Variants in SEC24C observed in about 807,000 individuals in gnomAD.
SEC24C encodes the protein protein transport protein Sec24C.
A neutral mutation model predicts 117.0 loss-of-function variants in SEC24C; 22 were observed. The ratio of observed to expected loss-of-function variants is 0.19; its 90% CI spans 0.13 to 0.27. The LOEUF (loss-of-function observed/expected upper bound fraction) is 0.27, where lower values mean the gene tolerates loss of function less well. Ranked by LOEUF, SEC24C falls within the 10% of genes least tolerant of loss-of-function variation. The pLI, the probability that SEC24C is intolerant of heterozygous loss-of-function variation, is 1.00. For synonymous variants in SEC24C, 506 were observed against 529.4 expected, an observed-to-expected ratio of 0.96 and a Z score of 0.61; for missense variants, 1,155 against 1,375.1, an observed-to-expected ratio of 0.84 and a Z score of 2.53.
At position 73,766,800 on chromosome 10, in the gene SEC24C, G is replaced by A. The variant is rs2082890933; in HGVS notation, c.1840G>A (p.Glu614Lys). The A allele has an allele frequency of 6.2e-7, 1 of 1,614,198 alleles. No homozygotes were observed. The highest frequency in any genetic ancestry group is 1.7e-5 in the Admixed American group (1 of 60,024). Residue 614 changes from glutamate to lysine, a missense_variant, in exon 13 of 23, where the codon GAA becomes AAA. Physicochemically the swap from Glu to Lys is moderately conservative, Grantham distance 56 (BLOSUM62 1). This residue lies in a region of SEC24C where 759 missense variants were observed against 992.3 expected (regional missense o/e 0.76). Coordinates refer to ENST00000345254, the MANE Select transcript of SEC24C (RefSeq NM_198597.3). The part of the protein sequence containing the change: ...QIPEMFADTR[E>K]TETVFVPVIQ... Reference sequence around the variant, plus strand: ...TCCAGAAATGTTTGCAGACACAAGGGAAACAGAGACAGTATTTGTACCAGT... The same window carrying A: ...TCCAGAAATGTTTGCAGACACAAGGAAAACAGAGACAGTATTTGTACCAGT...
chr10:73,760,014 T>C lies in SEC24C; in HGVS notation c.482-4T>C. ...TTTGACTCTACCTTTATTCTACTTC[T>C]CAGGCCCACCAACATCGCTGGCTTC... On this transcript the variant is annotated splice_region_variant and splice_polypyrimidine_tract_variant and intron_variant, in intron 4 of 22. Coordinates refer to ENST00000345254, the MANE Select transcript of SEC24C (RefSeq NM_198597.3). The C allele has an allele frequency of 3.8e-6, 6 of 1,569,288 alleles. No individual in the cohort carries two copies. Among genetic ancestry groups the C allele is most frequent in the Non-Finnish European group, 5.2e-6 (6 of 1,154,364 alleles).
intron 3 of SEC24C, among the ~76,000 whole-genome samples, chr10:73,753,794 A>G (rs2082674794): frequency 6.6e-6 from 1 of 152,196 alleles, no homozygotes; most frequent in African/African-American, 2.4e-5. Flanking sequence ...CTTAGTATTT[A>G]TCTGTTGAAG....
In SEC24C at chr10:73,745,066, G is replaced by T. The variant is rs568215792; in HGVS notation, c.-29+629G>T. Among the ~76,000 whole-genome samples, 879 of 152,290 alleles carry T rather than the reference G, an allele frequency of 5.8e-3. 5 individuals are homozygous for T. The highest frequency in any genetic ancestry group is 8.6e-3 in the Non-Finnish European group (582 of 68,034). On this transcript the variant is annotated intron_variant, in intron 1 of 22. Transcript: ENST00000345254. ...TTTGAGTTTAAAGAGTTTTAGACCAGGATCAGCTCCTTTTCTATAGTCAAG... is the reference window on the plus strand; with the variant it reads ...TTTGAGTTTAAAGAGTTTTAGACCATGATCAGCTCCTTTTCTATAGTCAAG...
At chr10:73,765,219 G>T (rs2082863083) in intron 8 of SEC24C, among the ~76,000 whole-genome samples, 1 of 152,234 alleles carries the variant, frequency 6.6e-6, no homozygotes. Flanking sequence ...CTTTCAGTGA[G>T]AAATGCAGCT....
intron 3 of SEC24C, among the ~76,000 whole-genome samples, chr10:73,755,242 G>A (rs1239138305): frequency 6.6e-6 from 1 of 152,172 alleles, no homozygotes. Context: ...ATTTCAAGAA[G>A]GTGAGAGAGT....
intron 2 of SEC24C, among the ~76,000 whole-genome samples, chr10:73,749,529 TTTTC>T (rs2082612775): frequency 6.6e-6 from 1 of 151,370 alleles, no homozygotes; most frequent in Non-Finnish European, 1.5e-5. Context: ...TAACCTTACC[TTTTC>T]TTTTTCTTTT....
chr10:73,753,008 T>G (rs2082663341), intron 3 of SEC24C, among the ~76,000 whole-genome samples: 1 of 152,122 alleles, frequency 6.6e-6, no homozygotes, highest in South Asian at 2.1e-4. Flanking sequence ...CCCTCATAAA[T>G]AACAACTATC....
intron 1 of SEC24C, among the ~76,000 whole-genome samples, chr10:73,746,397 T>G (rs1191579789): frequency 2.0e-5 from 3 of 152,240 alleles, no homozygotes; most frequent in Admixed American, 1.3e-4. Flanking sequence ...CGATGTTTGC[T>G]GAATGAATGG....
intron 22 of SEC24C, 66 bp downstream of exon 22, chr10:73,770,864 T>G: frequency 6.2e-7 from 1 of 1,612,308 alleles, no homozygotes; most frequent in African/African-American, 1.3e-5. Context: ...GGGGGTTGGG[T>G]GGGGAATGAG....
In SEC24C at chr10:73,759,667, C is replaced by T; in HGVS notation, c.354C>T (p.Gly118=). 6.3e-7 allele frequency: 1 copy of T among 1,575,858 alleles called. No individual in the cohort carries two copies. The highest frequency in any genetic ancestry group is 1.2e-5 in the South Asian group (1 of 85,642). Residue 118 remains glycine (G), a synonymous_variant, in exon 4 of 23, where the codon GGC becomes GGT. Coordinates refer to ENST00000345254, the MANE Select transcript of SEC24C (RefSeq NM_198597.3). ...TTGGGTCCCCATTGGCCCCTGTGGG[C>T]AACCAGCCACCTGTGCTTCAGCCCT... ...QPFGSPLAPV[G]NQPPVLQPYG...
At chr10:73,763,774 T>C (rs1002699259) in intron 7 of SEC24C, 82 bp from the exon 8 acceptor site, 1 of 1,485,208 alleles carries the variant, frequency 6.7e-7, no homozygotes, top group Non-Finnish European at 9.2e-7. Context: ...CTTTGTGGAG[T>C]TGATGGTGTG....
At chr10:73,761,261 GA>G (rs1275067466) in intron 6 of SEC24C, among the ~76,000 whole-genome samples, 2 of 152,192 alleles carry the variant, frequency 1.3e-5, no homozygotes, top group African/African-American at 4.8e-5. Flanking sequence ...TTAAGAGAAG[GA>G]AAGCCTCACT....
Position 73,766,875 on chromosome 10 carries a change from A to C in SEC24C, c.1893+22A>C, listed in dbSNP as rs766088533. 1.1e-5 allele frequency: 18 copies of C among 1,593,690 alleles called. No homozygotes were observed. In the South Asian group the frequency reaches 1.2e-4, roughly 11 times the overall value. ...GAAGGTAAGGCTGGAGTATCGGGCA[A>C]CCTCCTCTAACTCCATTTTCCTCTG... On this transcript the variant is annotated intron_variant, in intron 13 of 22. Coordinates refer to ENST00000345254, the MANE Select transcript of SEC24C (RefSeq NM_198597.3).
chr10:73,759,996 C>CT, intron 4 of SEC24C, 22 bp from the exon 5 acceptor site: 1 of 1,542,236 alleles, frequency 6.5e-7, no homozygotes, highest in Non-Finnish European at 8.7e-7. Context: ...GCTTTTGACT[C>CT]TACCTTTATT....
At chr10:73,770,526 A>G in intron 21 of SEC24C, 55 bp downstream of exon 21, 1 of 1,591,636 alleles carries the variant, frequency 6.3e-7, no homozygotes, top group Admixed American at 1.7e-5. Flanking sequence ...TTGTGAAACA[A>G]TTGGGAGCCA....
chr10:73,758,012 A>C (rs2132544392), intron 3 of SEC24C, among the ~76,000 whole-genome samples: 1 of 151,132 alleles, frequency 6.6e-6, no homozygotes, highest in East Asian at 1.9e-4. Flanking sequence ...GAGGCGGGCG[A>C]ATCACGAGGT....
At chr10:73,745,635 G>A (rs1362351914) in intron 1 of SEC24C, among the ~76,000 whole-genome samples, 2 of 151,546 alleles carry the variant, frequency 1.3e-5, no homozygotes, top group Admixed American at 6.6e-5. Flanking sequence ...TGCAATCTCC[G>A]CCTCCCGGGT....
intron 6 of SEC24C, among the ~76,000 whole-genome samples, chr10:73,761,691 C>T (rs997439458): frequency 6.6e-6 from 1 of 152,156 alleles, no homozygotes; most frequent in Non-Finnish European, 1.5e-5. Context: ...CTTCCTTCCC[C>T]CTCCTTCAGT....
intron 1 of SEC24C, among the ~76,000 whole-genome samples, chr10:73,744,984 T>C (rs1181622653): frequency 1.1e-5 from 1 of 87,210 alleles, no homozygotes; most frequent in Non-Finnish European, 3.2e-5. Flanking sequence ...TTAAACTTAG[T>C]GTCAGTGACC....
Sources: allele counts gnomAD v4.1 joint callset (sites outside exome capture counted in the v4.1 genomes callset), GRCh38; gene constraint gnomAD v4.1.1; regional missense constraint gnomAD v4.1.1; transcripts MANE v1.5; gene names NCBI Gene and HGNC (gene_info 2026-07-23, HGNC 2026-07-21).